Variants in LRRC4C observed in about 807,000 individuals in gnomAD.
The protein encoded by LRRC4C is leucine rich repeat containing 4C, also known as leucine-rich repeat-containing protein 4C.
In LRRC4C, 5 loss-of-function variants were observed where a neutral mutation model predicts 33.6. The observed-to-expected ratio is 0.15, with a 90% CI of 0.08 to 0.31. The LOEUF is 0.31. Ranked by LOEUF, LRRC4C falls within the 10% of genes least tolerant of loss-of-function variation. The pLI, the probability that LRRC4C is intolerant of heterozygous loss-of-function variation, is 1.00. For missense variants in LRRC4C, 560 were observed against 796.7 expected (o/e 0.70, Z 3.58); for synonymous variants, 329 against 302.0 (o/e 1.09, Z -0.93).
intron 1 of LRRC4C, among the ~76,000 whole-genome samples, chr11:41,232,057 G>A (rs1947826320): frequency 6.6e-6 from 1 of 151,780 alleles, no homozygotes; most frequent in Non-Finnish European, 1.5e-5. Flanking sequence ...ATGTTTTCAT[G>A]ACTTTTTTCA....
chr11:40,716,623 A>C (rs1946735402), intron 2 of LRRC4C, among the ~76,000 whole-genome samples: 1 of 152,188 alleles, frequency 6.6e-6, no homozygotes, highest in Non-Finnish European at 1.5e-5. Context: ...CATATAAAGA[A>C]AAGCAGTAAT....
intron 2 of LRRC4C, among the ~76,000 whole-genome samples, chr11:40,846,392 C>T (rs1016985141): frequency 6.6e-6 from 1 of 152,118 alleles, no homozygotes; most frequent in African/African-American, 2.4e-5. Context: ...CAGTTTTCTG[C>T]ATATGGCTAG....
Position 40,563,303 on chromosome 11 carries a change from G to A in LRRC4C, c.-270+84839C>T, listed in dbSNP as rs61886243. Among the ~76,000 whole-genome samples the A allele has an allele frequency of 4.1e-3, 631 of 152,256 alleles. 4 individuals are homozygous for A. The highest frequency in any genetic ancestry group is 0.027 in the South Asian group (132 of 4,816). On this transcript the variant is annotated intron_variant, in intron 3 of 6. Coordinates refer to ENST00000528697, the MANE Select transcript of LRRC4C (RefSeq NM_001258419.2). ...GAAATGTGGGGCAAGGAGGGTGCCTGGCCCAAAGTCATGGACTCATTGCTA... is the reference window on the plus strand; with the variant it reads ...GAAATGTGGGGCAAGGAGGGTGCCTAGCCCAAAGTCATGGACTCATTGCTA...
intron 3 of LRRC4C, among the ~76,000 whole-genome samples, chr11:40,464,414 C>A (rs1952556183): frequency 2.0e-5 from 3 of 151,868 alleles, no homozygotes; most frequent in Admixed American, 2.0e-4. Context: ...AGACCTGGAA[C>A]AAGGCAAGGA....
In LRRC4C at chr11:41,342,258, A is replaced by G. The variant is rs75356807; in HGVS notation, c.-496+117173T>C. ...TTAGTTCAGACAGGTCTATTATGCT[A>G]TTAGGTCATTAATCATGTGGTGGCA... On this transcript the variant is annotated intron_variant, in intron 1 of 6. Transcript: ENST00000528697. Among the ~76,000 whole-genome samples the G allele has an allele frequency of 3.7e-3, 560 of 152,304 alleles. 3 individuals carry two copies. Among genetic ancestry groups the G allele is most frequent in the African/African-American group, 0.013 (520 of 41,562 alleles).
At chr11:41,072,107 A>G (rs1437035328) in intron 1 of LRRC4C, among the ~76,000 whole-genome samples, 2 of 152,104 alleles carry the variant, frequency 1.3e-5, no homozygotes, top group African/African-American at 2.4e-5. Context: ...TGCTGGGAAC[A>G]TTGTTGGAAT....
At chr11:41,328,202 G>A (rs1951182554) in intron 1 of LRRC4C, among the ~76,000 whole-genome samples, 2 of 152,062 alleles carry the variant, frequency 1.3e-5, no homozygotes, top group Admixed American at 1.3e-4. Context: ...ATCCCTCCAA[G>A]TATTACAATC....
At chr11:40,573,405 A>T (rs189462928) in intron 3 of LRRC4C, among the ~76,000 whole-genome samples, 1 of 152,276 alleles carries the variant, frequency 6.6e-6, no homozygotes, top group African/African-American at 2.4e-5. Context: ...ACCATTCTCT[A>T]CACCTTCCAA....
chr11:40,864,714 A>G (rs1017917263), intron 2 of LRRC4C, among the ~76,000 whole-genome samples: 2 of 152,186 alleles, frequency 1.3e-5, no homozygotes, highest in Non-Finnish European at 2.9e-5. Context: ...GTATTCTAAG[A>G]AGAAGCTAAT....
intron 3 of LRRC4C, among the ~76,000 whole-genome samples, chr11:40,437,327 T>C (rs1255572171): frequency 6.6e-6 from 1 of 152,218 alleles, no homozygotes; most frequent in Non-Finnish European, 1.5e-5. Context: ...AATCCATGGT[T>C]ATCCTTGTAA....
chr11:41,455,724 T>G (rs1956153323), intron 1 of LRRC4C, among the ~76,000 whole-genome samples: 1 of 152,156 alleles, frequency 6.6e-6, no homozygotes, highest in African/African-American at 2.4e-5. Context: ...GATCCTTTTT[T>G]CTACAATATT....
chr11:41,446,130 C>A (rs1955818693), intron 1 of LRRC4C, among the ~76,000 whole-genome samples: 1 of 152,174 alleles, frequency 6.6e-6, no homozygotes, highest in South Asian at 2.1e-4. Flanking sequence ...AAAAGCTGCT[C>A]TGCAGTTGCA....
chr11:40,741,021 A>G (rs1443063409), intron 2 of LRRC4C, among the ~76,000 whole-genome samples: 2 of 151,942 alleles, frequency 1.3e-5, no homozygotes, highest in South Asian at 2.1e-4. Context: ...TTATTATTAT[A>G]TCTTTCTAGA....
intron 1 of LRRC4C, among the ~76,000 whole-genome samples, chr11:41,276,814 G>C (rs1314212202): frequency 1.3e-5 from 2 of 152,090 alleles, no homozygotes; most frequent in Non-Finnish European, 2.9e-5. Context: ...GATATGTAAA[G>C]CTACAAGCTA....
chr11:40,590,631 G>T (rs1427083298), intron 3 of LRRC4C, among the ~76,000 whole-genome samples: 1 of 151,322 alleles, frequency 6.6e-6, no homozygotes, highest in East Asian at 1.9e-4. Flanking sequence ...GGTCTTTGAT[G>T]ATGGTGATGT....
chr11:40,262,191 A>C (rs748255601), intron 4 of LRRC4C, among the ~76,000 whole-genome samples: 15 of 152,240 alleles, frequency 9.9e-5, no homozygotes, highest in Non-Finnish European at 1.2e-4. Context: ...GACACTTCTC[A>C]AAAGAATACA....
chr11:41,438,064 A>ATAAATAAATAC (rs1955495067), intron 1 of LRRC4C, among the ~76,000 whole-genome samples: 26 of 148,664 alleles, frequency 1.7e-4, no homozygotes, highest in East Asian at 1.6e-3. Context: ...TAAATAAATA[A>ATAAATAAATAC]ATAAATAATA....
In LRRC4C at chr11:40,765,497, C is replaced by G. The variant is rs575050078; in HGVS notation, c.-406-117219G>C. Among the ~76,000 whole-genome samples the G allele has an allele frequency of 4.6e-5, 7 of 152,192 alleles. No homozygotes were observed. The South Asian group carries it at 1.5e-3, about 32-fold the overall frequency. On this transcript the variant is annotated intron_variant, in intron 2 of 6. Transcript: ENST00000528697. ...ATAGCAGTGTGAGAATGAATTGATACATGAAGTGACAGAGATGTGTTACCT... is the reference window on the plus strand; with the variant it reads ...ATAGCAGTGTGAGAATGAATTGATAGATGAAGTGACAGAGATGTGTTACCT...
intron 2 of LRRC4C, among the ~76,000 whole-genome samples, chr11:40,787,143 T>C (rs1950441832): frequency 6.6e-6 from 1 of 152,110 alleles, no homozygotes; most frequent in Non-Finnish European, 1.5e-5. Context: ...GGTGCTAACA[T>C]AAACAATAAG....
Sources: allele counts gnomAD v4.1 joint callset (sites outside exome capture counted in the v4.1 genomes callset), GRCh38; gene constraint gnomAD v4.1.1; transcripts MANE v1.5; gene names NCBI Gene and HGNC (gene_info 2026-07-23, HGNC 2026-07-21).